Variants in ADAM12 observed in about 807,000 individuals in gnomAD.
The protein encoded by ADAM12 is disintegrin and metalloproteinase domain-containing protein 12.
In ADAM12, 70 loss-of-function variants were observed where a neutral mutation model predicts 106.4. The ratio of observed to expected loss-of-function variants is 0.66; its 90% CI spans 0.54 to 0.80. The LOEUF is 0.80. Among genes scored for constraint, ADAM12 ranks in the 30% least tolerant of loss-of-function variants. ADAM12 has a pLI of 0.00. For synonymous variants in ADAM12, 420 were observed against 433.5 expected (o/e 0.97, Z 0.39); for missense variants, 1,010 against 1,171.9 (o/e 0.86, Z 2.02).
intron 3 of ADAM12, among the ~76,000 whole-genome samples, chr10:126,250,825 A>T (rs1018715357): frequency 6.6e-6 from 1 of 152,210 alleles, no homozygotes; most frequent in East Asian, 1.9e-4. Context: ...CAACAATCTT[A>T]TTCGTATTTC....
At chr10:126,297,629 G>T (rs976164575) in intron 2 of ADAM12, among the ~76,000 whole-genome samples, 1 of 152,176 alleles carries the variant, frequency 6.6e-6, no homozygotes, top group African/African-American at 2.4e-5. Flanking sequence ...TACACAAATG[G>T]AGGGGTTTTG....
At chr10:126,078,342 C>T (rs1278095511) in intron 11 of ADAM12, among the ~76,000 whole-genome samples, 1 of 152,156 alleles carries the variant, frequency 6.6e-6, no homozygotes. Context: ...GGTCCCATGC[C>T]CCCCTTGCCA....
chr10:126,040,579 T>C (rs1208348194), intron 18 of ADAM12, among the ~76,000 whole-genome samples: 1 of 152,230 alleles, frequency 6.6e-6, no homozygotes, highest in East Asian at 1.9e-4. Flanking sequence ...CAGTCTTGAC[T>C]TACTTGTTGG....
rs543625636 is a variant in ADAM12 at position 126,155,263 on chromosome 10, T to C, written c.303A>G (p.Gln101=). 6 of 1,614,150 alleles carry C rather than the reference T, an allele frequency of 3.7e-6. No individual in the cohort carries two copies. In the African/African-American group the frequency reaches 6.7e-5, roughly 18 times the overall value. The change falls in exon 4 of 23, where the codon CAA becomes CAG. Residue 101 remains glutamine, a synonymous_variant. Coordinates refer to ENST00000448723, the MANE Select transcript of ADAM12 (RefSeq NM_001288973.2). ...GAGCGAGGGAGACATCAGTACCGTC[T>C]TGCAGATAGTGGGTTTCCGTGAAAC... The part of the protein sequence containing the change: ...ASSFTETHYL[Q]DGTDVSLARN...
chr10:126,141,531 C>T (rs973797154), intron 4 of ADAM12, among the ~76,000 whole-genome samples: 3 of 152,204 alleles, frequency 2.0e-5, no homozygotes, highest in African/African-American at 7.2e-5. Context: ...CATTTTCCCA[C>T]TCCAGTAGAA....
rs1565067692 is a variant in ADAM12, at chr10:126,113,706, ATATATATATATATATATATATATAT to A, written c.604-3891_604-3867del. Among the ~76,000 whole-genome samples the A allele has an allele frequency of 1.7e-3, 130 of 76,850 alleles. 6 individuals carry two copies. Among genetic ancestry groups the A allele is most frequent in the African/African-American group, 6.2e-3 (104 of 16,752 alleles). The allele number at this position is 76,850 out of a possible 152,430, so 50.4% of individuals were successfully genotyped here. A position where few individuals can be genotyped will look rare whatever the true frequency, so the allele number is the denominator to read the frequency against. ...AAAAAAAATATATATATATATATAT[ATATATATATATATATATATATATAT>A]AATATATTGCTCTGGCTACTGGAAG... On this transcript the variant is annotated intron_variant, in intron 6 of 22. Transcript: ENST00000448723.
At chr10:126,237,060 A>C (rs1958432032) in intron 3 of ADAM12, among the ~76,000 whole-genome samples, 1 of 152,102 alleles carries the variant, frequency 6.6e-6, no homozygotes, top group Non-Finnish European at 1.5e-5. Context: ...CCTCGCCCAC[A>C]ACCCCTCCCC....
rs1954233779 is a variant in ADAM12 at position 126,043,502 on chromosome 10, T to C, written c.1996-354A>G. On this transcript the variant is annotated intron_variant, in intron 17 of 22. Coordinates refer to ENST00000448723, the MANE Select transcript of ADAM12 (RefSeq NM_001288973.2). This position sits in a 1 kb window ranked among gnomAD's most constrained non-coding sequence, Gnocchi z 4.1. ...CCATGAGGAGAAGCCCCCTCAGCAG[T>C]GAGGAGGGACCGTGCTTTGGGGCTA... Among the ~76,000 whole-genome samples, 1 of 152,052 alleles carries C rather than the reference T, an allele frequency of 6.6e-6. No homozygotes were observed. Among genetic ancestry groups the C allele is most frequent in the Admixed American group, 6.5e-5 (1 of 15,276 alleles).
intron 2 of ADAM12, among the ~76,000 whole-genome samples, chr10:126,302,531 G>A (rs148857135): frequency 3.0e-4 from 46 of 152,272 alleles, no homozygotes; most frequent in Middle Eastern, 3.4e-3. Flanking sequence ...CACCCCTTTC[G>A]TGAGGACACT....
chr10:126,182,173 T>C (rs1957324418), intron 3 of ADAM12, among the ~76,000 whole-genome samples: 1 of 152,178 alleles, frequency 6.6e-6, no homozygotes, highest in South Asian at 2.1e-4. Context: ...TGAGTTTCCT[T>C]TGAGATGCCT....
At chr10:126,346,706 C>T (rs1171615362) in intron 1 of ADAM12, among the ~76,000 whole-genome samples, 1 of 152,166 alleles carries the variant, frequency 6.6e-6, no homozygotes. Flanking sequence ...CTGGGTGCTC[C>T]TGTATTGGGT....
In ADAM12 at chr10:126,012,891, A is replaced by T. The variant is rs1953594141; in HGVS notation, c.*4388T>A. 6.6e-6 allele frequency: 1 copy of T among 152,212 alleles called. No individual in the cohort carries two copies. The allele number at this position is 152,212 out of a possible 1,614,324, so 9.4% of individuals were successfully genotyped here. A position where few individuals can be genotyped will look rare whatever the true frequency, so the allele number is the denominator to read the frequency against. On this transcript the variant is annotated 3_prime_UTR_variant, in exon 23 of 23. Transcript: ENST00000448723. ...TTTTTTGTAAAGCTAAAATAATCAC[A>T]TGATACTTATTCTTTGGAGGATTTA...
intron 3 of ADAM12, among the ~76,000 whole-genome samples, chr10:126,271,560 C>T (rs989474195): frequency 3.9e-5 from 6 of 152,178 alleles, no homozygotes; most frequent in African/African-American, 1.4e-4. Context: ...AGGCCAGGAG[C>T]TCAAGACTGG....
intron 3 of ADAM12, among the ~76,000 whole-genome samples, chr10:126,166,571 C>T (rs1214801405): frequency 6.6e-6 from 1 of 152,148 alleles, no homozygotes; most frequent in African/African-American, 2.4e-5. Context: ...GAGATCTCGG[C>T]TCACTGCAAC....
At chr10:126,142,502 C>T (rs571825438) in intron 4 of ADAM12, among the ~76,000 whole-genome samples, 5 of 152,334 alleles carry the variant, frequency 3.3e-5, no homozygotes, top group South Asian at 4.1e-4. Flanking sequence ...AGCAGTTTTC[C>T]GCCCTGGGTG....
intron 11 of ADAM12, among the ~76,000 whole-genome samples, chr10:126,083,650 T>C (rs990329688): frequency 2.0e-5 from 3 of 152,208 alleles, no homozygotes; most frequent in African/African-American, 7.2e-5. Context: ...AGGTGATACC[T>C]GGGCCAGATC....
rs1957488604 is a variant in ADAM12, at chr10:126,190,989, C to CTTTTTTTTTTTTTTT, written c.261-35685_261-35684insAAAAAAAAAAAAAAA. Among the ~76,000 whole-genome samples, 16 of 68,710 alleles carry CTTTTTTTTTTTTTTT rather than the reference C, an allele frequency of 2.3e-4. 8 individuals are homozygous for CTTTTTTTTTTTTTTT. The highest frequency in any genetic ancestry group is 2.2e-3 in the South Asian group (4 of 1,822). The allele number at this position is 68,710 out of a possible 152,430, so 45.1% of individuals were successfully genotyped here. On this transcript the variant is annotated intron_variant, in intron 3 of 22. Transcript: ENST00000448723. Reference sequence around the variant, plus strand: ...TTTGAGTTGCCATGAGGAGTTTTGTCCTTTTTTTTTTTTTTTTTTTTTTTT... The same window carrying CTTTTTTTTTTTTTTT: ...TTTGAGTTGCCATGAGGAGTTTTGTCTTTTTTTTTTTTTTTCTTTTTTTTTTTTTTTTTTTTTTTT...
chr10:126,106,298 A>C (rs79636981), intron 8 of ADAM12, among the ~76,000 whole-genome samples: 3,504 of 152,158 alleles, frequency 0.023, 109 homozygotes, highest in East Asian at 0.084. Context: ...TCTGCTTTAA[A>C]AATAAGAACA....
chr10:126,020,820 G>A (rs1320580351), intron 21 of ADAM12, among the ~76,000 whole-genome samples: 1 of 151,656 alleles, frequency 6.6e-6, no homozygotes, highest in African/African-American at 2.4e-5. Flanking sequence ...GTGAAACTCC[G>A]TCTCTACTAA....
Sources: allele counts gnomAD v4.1 joint callset (sites outside exome capture counted in the v4.1 genomes callset), GRCh38; gene constraint gnomAD v4.1.1; non-coding constraint Gnocchi (gnomAD v3.1); transcripts MANE v1.5; gene names NCBI Gene and HGNC (gene_info 2026-07-23, HGNC 2026-07-21).